Variants in RPS6KC1 observed in about 807,000 individuals in gnomAD.
RPS6KC1 encodes the protein ribosomal protein S6 kinase C1, also known as inactive ribosomal protein S6 kinase delta-1.
RPS6KC1 carries 54 observed loss-of-function variants against 103.8 expected under a neutral mutation model. That is an observed-to-expected ratio of 0.52 (90% CI 0.42 to 0.65). RPS6KC1 has a LOEUF of 0.65. Among genes scored for constraint, RPS6KC1 ranks in the 30% least tolerant of loss-of-function variants. The pLI is 0.00. For missense variants in RPS6KC1, 1,151 were observed against 1,253.8 expected (o/e 0.92, Z 1.24); for synonymous variants, 439 against 438.7 (o/e 1.00, Z -0.01).
In RPS6KC1 at chr1:213,165,676, GC is replaced by G. The variant is rs1156621441; in HGVS notation, c.836-2180del. 2.0e-5 allele frequency among the ~76,000 whole-genome samples: 3 copies of G among 151,986 alleles called. No individual in the cohort carries two copies. The East Asian group carries it at 5.8e-4, about 29-fold the overall frequency. On this transcript the variant is annotated intron_variant, in intron 6 of 14. Coordinates refer to ENST00000366960, the MANE Select transcript of RPS6KC1 (RefSeq NM_012424.6). ...CTGACCTCGTGATCTGCCCACCTTG[GC>G]CTCCCAAAGTGCTGGGATTACAGGC...
At chr1:213,444,840 A>G in the RPS6KC1 span, among the ~76,000 whole-genome samples, 6,722 of 152,252 alleles carry the variant, frequency 0.044, 166 homozygotes, top group African/African-American at 0.06. Context: ...TTCTTTTTAA[A>G]CTGCTTTATT....
At chr1:213,861,759 G>A in the RPS6KC1 span, among the ~76,000 whole-genome samples, 2 of 152,154 alleles carry the variant, frequency 1.3e-5, no homozygotes, top group Non-Finnish European at 2.9e-5. Flanking sequence ...GAAGATGCAC[G>A]GAGTTGTTGC....
chr1:213,097,151 C>T (rs1166079483), intron 3 of RPS6KC1, among the ~76,000 whole-genome samples: 2 of 152,110 alleles, frequency 1.3e-5, no homozygotes, highest in African/African-American at 4.8e-5. Flanking sequence ...GTCAGGAGTT[C>T]AAGACCAGCC....
At chr1:213,467,965 A>C in the RPS6KC1 span, among the ~76,000 whole-genome samples, 2 of 152,232 alleles carry the variant, frequency 1.3e-5, no homozygotes, top group Non-Finnish European at 2.9e-5. Context: ...AATGGCATTA[A>C]AGGTAAACAA....
At chr1:213,579,631 G>A in the RPS6KC1 span, among the ~76,000 whole-genome samples, 59 of 152,064 alleles carry the variant, frequency 3.9e-4, no homozygotes, top group African/African-American at 1.3e-3. Flanking sequence ...TCAATGCCTC[G>A]CCTCCAAATA....
chr1:213,746,733 G>A, the RPS6KC1 span, among the ~76,000 whole-genome samples: 8 of 152,254 alleles, frequency 5.3e-5, no homozygotes, highest in Non-Finnish European at 1.2e-4. Context: ...GAGTGGAGGC[G>A]GTGAAGAGAG....
the RPS6KC1 span, among the ~76,000 whole-genome samples, chr1:213,659,640 T>G: frequency 6.6e-6 from 1 of 151,832 alleles, no homozygotes; most frequent in Admixed American, 6.6e-5. Context: ...ATTCAGGGTT[T>G]TTTTTTTTTT....
At chr1:213,321,064 C>T in the RPS6KC1 span, among the ~76,000 whole-genome samples, 8 of 152,130 alleles carry the variant, frequency 5.3e-5, no homozygotes, top group African/African-American at 1.7e-4. Flanking sequence ...AACTTGTGTC[C>T]TCTCTCTCCA....
At chr1:213,628,756 G>A in the RPS6KC1 span, among the ~76,000 whole-genome samples, 162 of 152,156 alleles carry the variant, frequency 1.1e-3, 2 homozygotes, top group East Asian at 0.027. Flanking sequence ...TGCTTTGAAT[G>A]TGTCCCAGAG....
chr1:213,674,345 C>T, the RPS6KC1 span, among the ~76,000 whole-genome samples: 6 of 152,200 alleles, frequency 3.9e-5, no homozygotes, highest in African/African-American at 1.2e-4. Context: ...TTATGAGTAC[C>T]CAATGTTTAG....
At chr1:213,337,252 C>T in the RPS6KC1 span, among the ~76,000 whole-genome samples, 3 of 152,212 alleles carry the variant, frequency 2.0e-5, no homozygotes, top group Admixed American at 2.0e-4. Context: ...GCTCAGAGTT[C>T]TCACTCAGCC....
the RPS6KC1 span, among the ~76,000 whole-genome samples, chr1:213,550,257 A>T: frequency 6.6e-6 from 1 of 152,206 alleles, no homozygotes; most frequent in Admixed American, 6.5e-5. Flanking sequence ...GGGAAGAAAC[A>T]CTGCATCTAT....
intron 6 of RPS6KC1, among the ~76,000 whole-genome samples, chr1:213,148,173 A>T (rs1252448413): frequency 1.3e-5 from 2 of 152,154 alleles, no homozygotes; most frequent in East Asian, 3.8e-4. Flanking sequence ...TCCAGTTTAG[A>T]TGCCCTTTAT....
At chr1:213,714,569 G>A in the RPS6KC1 span, among the ~76,000 whole-genome samples, 1 of 152,196 alleles carries the variant, frequency 6.6e-6, no homozygotes, top group Non-Finnish European at 1.5e-5. Flanking sequence ...TGGCGTGCAG[G>A]GCATCACATA....
In RPS6KC1 at chr1:213,241,279, T is replaced by C. The variant is rs199765911; in HGVS notation, c.1803T>C (p.Phe601=). The change falls in exon 11 of 15, where the codon TTT becomes TTC. Residue 601 remains phenylalanine, a synonymous_variant. Transcript: ENST00000366960. ...CAAAAAATAGCCCCATGGAATTCTTTAGGATAGACAGTAAGGATAGCGCAA... is the reference window on the plus strand; with the variant it reads ...CAAAAAATAGCCCCATGGAATTCTTCAGGATAGACAGTAAGGATAGCGCAA... ...SRSKNSPMEF[F]RIDSKDSASE... 6.1e-5 allele frequency: 99 copies of C among 1,613,794 alleles called. No homozygotes were observed. The highest frequency in any genetic ancestry group is 1.7e-5 in the Admixed American group (1 of 59,922).
the RPS6KC1 span, among the ~76,000 whole-genome samples, chr1:213,572,823 G>A: frequency 5.9e-5 from 9 of 152,146 alleles, no homozygotes; most frequent in African/African-American, 9.7e-5. Context: ...GTGAGTGGCC[G>A]CACTAGGAAG....
the RPS6KC1 span, among the ~76,000 whole-genome samples, chr1:213,613,265 T>C: frequency 6.6e-6 from 1 of 152,248 alleles, no homozygotes; most frequent in Non-Finnish European, 1.5e-5. Context: ...CCAGCATCAC[T>C]TGTGCCGGAC....
chr1:213,744,811 G>C, the RPS6KC1 span, among the ~76,000 whole-genome samples: 1 of 152,228 alleles, frequency 6.6e-6, no homozygotes, highest in Non-Finnish European at 1.5e-5. Context: ...GCTGGTCAGC[G>C]TGGAGGCTTT....
chr1:213,236,759 G>A (rs1035259568), intron 10 of RPS6KC1, among the ~76,000 whole-genome samples: 2 of 152,062 alleles, frequency 1.3e-5, no homozygotes, highest in Non-Finnish European at 2.9e-5. Context: ...CAAATTAAAA[G>A]ACAGAAGTTG....
Sources: gnomAD v4.1 joint callset for allele counts (sites outside exome capture counted in the v4.1 genomes callset) on GRCh38, gnomAD v4.1.1 for gene constraint, MANE v1.5 for transcripts, NCBI Gene and HGNC (gene_info 2026-07-23, HGNC 2026-07-21) for gene names.